Variants in RSPH1 observed in about 807,000 individuals in gnomAD.
RSPH1 encodes radial spoke head component 1.
Under a neutral mutation model 44.2 loss-of-function variants are expected in RSPH1, and 32 were observed. The ratio of observed to expected loss-of-function variants is 0.72; its 90% CI spans 0.55 to 0.97. The LOEUF (loss-of-function observed/expected upper bound fraction) is 0.97, where lower values mean the gene tolerates loss of function less well. Among genes scored for constraint, RSPH1 ranks in the 50% least tolerant of loss-of-function variants. RSPH1 has a pLI of 0.00. For synonymous variants in RSPH1, 134 were observed against 147.3 expected (o/e 0.91, Z 0.65); for missense variants, 391 against 398.7 (o/e 0.98, Z 0.16).
intron 8 of RSPH1, 100 bp downstream of exon 8, chr21:42,475,798 G>T (rs1568957354): frequency 7.2e-7 from 1 of 1,379,814 alleles, no homozygotes. Context: ...AGTCCCTGGG[G>T]CCCAGCTGAA....
intron 3 of RSPH1, among the ~76,000 whole-genome samples, chr21:42,490,222 A>T (rs2054223381): frequency 6.6e-6 from 1 of 151,460 alleles, no homozygotes. Context: ...CTCCTGCAGC[A>T]CTATAGCCTC....
Position 42,475,943 on chromosome 21 carries a change from T to C in RSPH1, c.832A>G (p.Ser278Gly), listed in dbSNP as rs1301098283. 1 of 1,611,306 alleles carries C rather than the reference T, an allele frequency of 6.2e-7. No homozygotes were observed. Among genetic ancestry groups the C allele is most frequent in the East Asian group, 2.2e-5 (1 of 44,632 alleles). The change falls in exon 8 of 9, where the codon AGC (serine) becomes GGC (glycine). Residue 278 changes from serine to glycine, a missense_variant. Coordinates refer to ENST00000291536, the MANE Select transcript of RSPH1 (RefSeq NM_080860.4). ...AACTCCTCCTGGTCATACTCCCGGC[T>C]CTCTTCCCGGAGGACGTCTGCATCT... Reference protein sequence around the residue: ...DEDADVLREESREYDQEEFRY... With the variant: ...DEDADVLREEGREYDQEEFRY...
intron 4 of RSPH1, 36 bp downstream of exon 4, chr21:42,486,335 A>C: frequency 7.0e-7 from 1 of 1,427,314 alleles, no homozygotes; most frequent in South Asian, 1.1e-5. Flanking sequence ...TCATTACATA[A>C]GCAAATCCCG....
chr21:42,477,518 G>T, intron 6 of RSPH1, 74 bp from the exon 7 acceptor site: 1 of 1,512,774 alleles, frequency 6.6e-7, no homozygotes, highest in Non-Finnish European at 9.1e-7. Context: ...AGTGAGGGAG[G>T]AAGGACAAGT....
At chr21:42,476,904 C>T (rs774901721) in intron 7 of RSPH1, among the ~76,000 whole-genome samples, 1 of 152,168 alleles carries the variant, frequency 6.6e-6, no homozygotes, top group Non-Finnish European at 1.5e-5. Flanking sequence ...TCCAACCACA[C>T]CTGGCCTGAA....
intron 8 of RSPH1, among the ~76,000 whole-genome samples, chr21:42,475,229 A>G (rs1187720858): frequency 6.6e-6 from 1 of 152,062 alleles, no homozygotes; most frequent in Non-Finnish European, 1.5e-5. Context: ...CTTACATCCA[A>G]ACCCATTGAA....
Position 42,472,806 on chromosome 21 carries a change from G to C in RSPH1, c.*12C>G. 1 of 1,598,384 alleles carries C rather than the reference G, an allele frequency of 6.3e-7. No homozygotes were observed. The highest frequency in any genetic ancestry group is 8.6e-7 in the Non-Finnish European group (1 of 1,166,450). On this transcript the variant is annotated 3_prime_UTR_variant, in exon 9 of 9. Coordinates refer to ENST00000291536, the MANE Select transcript of RSPH1 (RefSeq NM_080860.4). ...ATTCTTATGATACGATCTCCTCTCGGCTCACTTCATCTTAGTCCTGGAGGT... is the reference window on the plus strand; with the variant it reads ...ATTCTTATGATACGATCTCCTCTCGCCTCACTTCATCTTAGTCCTGGAGGT...
chr21:42,479,307 C>A (rs2054102066), intron 6 of RSPH1, among the ~76,000 whole-genome samples: 1 of 152,150 alleles, frequency 6.6e-6, no homozygotes, highest in South Asian at 2.1e-4. Flanking sequence ...ACAAAGCCCT[C>A]AGGTTGTTGC....
intron 1 of RSPH1, among the ~76,000 whole-genome samples, chr21:42,493,729 G>C (rs892102264): frequency 3.3e-5 from 5 of 152,156 alleles, no homozygotes; most frequent in Non-Finnish European, 7.3e-5. Flanking sequence ...ACCCAATGCT[G>C]CAATAATTAT....
chr21:42,476,596 G>T (rs2054053656), intron 7 of RSPH1, among the ~76,000 whole-genome samples: 1 of 152,082 alleles, frequency 6.6e-6, no homozygotes, highest in Admixed American at 6.5e-5. Flanking sequence ...GTTGGACATG[G>T]AGGTGCCACA....
intron 4 of RSPH1, 106 bp from the exon 5 acceptor site, chr21:42,485,910 C>A: frequency 7.1e-7 from 1 of 1,404,550 alleles, no homozygotes; most frequent in Non-Finnish European, 9.9e-7. Context: ...CTGTTGCAGG[C>A]TCACAAGCGA....
intron 7 of RSPH1, among the ~76,000 whole-genome samples, chr21:42,476,708 C>T (rs908231200): frequency 6.6e-6 from 1 of 152,090 alleles, no homozygotes; most frequent in Non-Finnish European, 1.5e-5. Flanking sequence ...GGATAAGGGT[C>T]CCCGAGACGC....
chr21:42,489,137 T>C (rs1157150180), intron 3 of RSPH1, among the ~76,000 whole-genome samples: 1 of 152,018 alleles, frequency 6.6e-6, no homozygotes, highest in African/African-American at 2.4e-5. Context: ...GGCTGGGTGG[T>C]TGGCTAGTCA....
intron 6 of RSPH1, among the ~76,000 whole-genome samples, chr21:42,482,145 G>A (rs548493508): frequency 4.4e-4 from 67 of 152,272 alleles, no homozygotes; most frequent in African/African-American, 1.5e-3. Flanking sequence ...GTGCAGTGGC[G>A]TGATCTTGGC....
At chr21:42,477,465 T>C (rs2054079928) in intron 6 of RSPH1, 21 bp from the exon 7 acceptor site, 1 of 1,611,240 alleles carries the variant, frequency 6.2e-7, no homozygotes, top group Non-Finnish European at 8.5e-7. Flanking sequence ...TGCAAAAATG[T>C]ACATTTACCA....
intron 3 of RSPH1, among the ~76,000 whole-genome samples, chr21:42,491,987 C>T (rs753135568): frequency 4.6e-5 from 7 of 152,208 alleles, no homozygotes; most frequent in Non-Finnish European, 1.0e-4. Flanking sequence ...CAAGCTCACA[C>T]CTATTGTCAC....
intron 3 of RSPH1, among the ~76,000 whole-genome samples, chr21:42,488,877 C>T (rs2054206590): frequency 1.3e-5 from 2 of 152,042 alleles, no homozygotes; most frequent in African/African-American, 4.8e-5. Context: ...TAAATTTGCA[C>T]TTAATTTTTT....
At chr21:42,484,322 A>G (rs1051799684) in intron 5 of RSPH1, among the ~76,000 whole-genome samples, 1 of 152,234 alleles carries the variant, frequency 6.6e-6, no homozygotes, top group Admixed American at 6.5e-5. Context: ...GAAAATGGGC[A>G]CTACCGATTG....
At chr21:42,480,640 CAAAA>C (rs780506820) in intron 6 of RSPH1, among the ~76,000 whole-genome samples, 45 of 38,740 alleles carry the variant, frequency 1.2e-3, no homozygotes, top group African/African-American at 3.7e-3. Context: ...AACTCCATCT[CAAAA>C]AAAAAAAAAA....
Sources: allele counts gnomAD v4.1 joint callset (sites outside exome capture counted in the v4.1 genomes callset), GRCh38; gene constraint gnomAD v4.1.1; transcripts MANE v1.5; gene names NCBI Gene and HGNC (gene_info 2026-07-23, HGNC 2026-07-21).